HYLS1: variants seen among roughly 807,000 people sequenced by gnomAD.
HYLS1 encodes centriolar and ciliogenesis-associated protein HYLS1.
HYLS1 carries 25 observed loss-of-function variants against 29.4 expected under a neutral mutation model. That is an observed-to-expected ratio of 0.85 (90% CI 0.62 to 1.19). The LOEUF is 1.19. Among genes scored for constraint, HYLS1 ranks in the 50% most tolerant of loss-of-function variants. The pLI is 0.00. For missense variants in HYLS1, 352 were observed against 365.1 expected (o/e 0.96, Z 0.29); for synonymous variants, 128 against 126.7 (o/e 1.01, Z -0.07).
chr11:125,900,563 A>G lies in HYLS1; in HGVS notation c.*295A>G. ...TTGTGTCCTGTAACTTTTTTTACCT[A>G]TCAATATGAGTTGCTGTGCTTCAGT... is the stretch of plus-strand genomic sequence containing the variant. On this transcript the variant is annotated 3_prime_UTR_variant, in exon 3 of 3. Transcript: ENST00000425380. 2.5e-6 allele frequency: 1 copy of G among 401,016 alleles called. No individual in the cohort carries two copies. The highest frequency in any genetic ancestry group is 4.2e-5 in the Admixed American group (1 of 23,736). 24.8% of individuals were successfully genotyped at this position (401,016 alleles called of 1,614,324 possible).
At chr11:125,894,503 G>T (rs545910611) in intron 2 of HYLS1, among the ~76,000 whole-genome samples, 40 of 152,256 alleles carry the variant, frequency 2.6e-4, no homozygotes, top group African/African-American at 6.0e-4. Flanking sequence ...CCTGATCTAT[G>T]TAAGGTAAAT....
At chr11:125,893,856 C>T (rs781386285) in intron 2 of HYLS1, 2 of 1,614,002 alleles carry the variant, frequency 1.2e-6, no homozygotes, top group East Asian at 4.5e-5. Flanking sequence ...GTATTCTCTT[C>T]CTCTAGTGTG....
At chr11:125,887,563 G>A (rs1944326944), upstream of HYLS1, 5 of 152,430 alleles carry the variant, frequency 3.3e-5, no homozygotes, top group South Asian at 1.0e-3. Flanking sequence ...TTTACCCTCA[G>A]GACCAATAAG....
At chr11:125,896,415 C>G (rs951646802) in intron 2 of HYLS1, 1 of 928,258 alleles carries the variant, frequency 1.1e-6, no homozygotes. Flanking sequence ...TAATTTAATG[C>G]CCAAAGAATA....
chr11:125,898,195 T>C (rs1441408124), intron 2 of HYLS1, among the ~76,000 whole-genome samples: 1 of 152,158 alleles, frequency 6.6e-6, no homozygotes. Flanking sequence ...AATCCTTGCT[T>C]AAAATTATCA....
chr11:125,896,714 ATTTCT>A (rs1450412141), intron 2 of HYLS1, among the ~76,000 whole-genome samples: 3 of 152,114 alleles, frequency 2.0e-5, no homozygotes, highest in African/African-American at 7.2e-5. Context: ...TAGTCATAAG[ATTTCT>A]TTATATGGGC....
chr11:125,888,452 C>T (rs1463280359), intron 1 of HYLS1, among the ~76,000 whole-genome samples: 1 of 152,096 alleles, frequency 6.6e-6, no homozygotes, highest in East Asian at 1.9e-4. Flanking sequence ...ATCTGTTTTT[C>T]TAGAGGGCAG....
chr11:125,895,686 G>T lies in HYLS1; in HGVS notation c.-25-3658G>T, dbSNP rs769426762. On this transcript the variant is annotated intron_variant, in intron 2 of 2. Coordinates refer to ENST00000425380, the MANE Select transcript of HYLS1 (RefSeq NM_001134793.2). ...AGGGAGTACCCGATTGAGAATGTGG[G>T]TATAACGGATCTCTTCAGCAGCAGC... 7 of 1,614,034 alleles carry T rather than the reference G, an allele frequency of 4.3e-6. No individual in the cohort carries two copies. The Admixed American group carries it at 8.3e-5, about 19-fold the overall frequency.
At chr11:125,895,026 C>T (rs1313925998) in intron 2 of HYLS1, among the ~76,000 whole-genome samples, 1 of 150,998 alleles carries the variant, frequency 6.6e-6, no homozygotes, top group African/African-American at 2.4e-5. Context: ...TAGACAGTTA[C>T]GGTGGAGAGG....
upstream of HYLS1, chr11:125,887,571 A>G (rs1349260998): frequency 2.0e-5 from 3 of 152,268 alleles, no homozygotes; most frequent in Non-Finnish European, 4.4e-5. Flanking sequence ...CAGGACCAAT[A>G]AGAGGGAGGG....
chr11:125,888,209 G>T (rs1944344037), intron 1 of HYLS1: 1 of 152,294 alleles, frequency 6.6e-6, no homozygotes, highest in Non-Finnish European at 1.5e-5. Flanking sequence ...AGCGTGTCTT[G>T]TCGCCTTCTA....
intron 2 of HYLS1, chr11:125,894,134 A>G (rs754187330): frequency 2.5e-6 from 4 of 1,614,152 alleles, no homozygotes; most frequent in Non-Finnish European, 2.5e-6. Context: ...CAGTCCTTGT[A>G]GCATACTATA....
At chr11:125,893,599 A>C (rs1944473924) in intron 2 of HYLS1, 3 of 518,840 alleles carry the variant, frequency 5.8e-6, no homozygotes, top group Non-Finnish European at 9.9e-6. Context: ...GACCGGGATA[A>C]GAGAATATTT....
chr11:125,884,911 G>T (rs1372035661), upstream of HYLS1, among the ~76,000 whole-genome samples: 1 of 152,076 alleles, frequency 6.6e-6, no homozygotes, highest in African/African-American at 2.4e-5. Flanking sequence ...TCTATATACT[G>T]TATTTTAAGT....
chr11:125,888,418 T>C (rs952816351), intron 1 of HYLS1, among the ~76,000 whole-genome samples: 3 of 152,168 alleles, frequency 2.0e-5, no homozygotes, highest in Non-Finnish European at 4.4e-5. Context: ...AGCAAGCACC[T>C]TTATGGCCTG....
intron 2 of HYLS1, chr11:125,895,875 C>G (rs777427325): frequency 4.4e-6 from 7 of 1,601,286 alleles, no homozygotes; most frequent in Middle Eastern, 1.7e-4. Context: ...CCTAGTATTG[C>G]TTGCTTTGAG....
intron 2 of HYLS1, among the ~76,000 whole-genome samples, chr11:125,896,833 T>C (rs763102043): frequency 1.3e-5 from 2 of 152,150 alleles, no homozygotes; most frequent in Admixed American, 6.5e-5. Context: ...GGTGGTGCAA[T>C]AGAAGCTAGC....
intron 2 of HYLS1, chr11:125,895,131 C>A: frequency 1.0e-6 from 1 of 1,000,706 alleles, no homozygotes; most frequent in Non-Finnish European, 1.4e-6. Context: ...AGTGCAACCT[C>A]CGCCTCCTGG....
At chr11:125,896,086 G>C (rs1195452063) in intron 2 of HYLS1, 3 of 1,614,200 alleles carry the variant, frequency 1.9e-6, no homozygotes, top group African/African-American at 1.3e-5. Flanking sequence ...GCTATTCTTA[G>C]GGCTACGTGT....
Sources: gnomAD v4.1 joint callset for allele counts (sites outside exome capture counted in the v4.1 genomes callset) on GRCh38, gnomAD v4.1.1 for gene constraint, MANE v1.5 for transcripts, NCBI Gene and HGNC (gene_info 2026-07-23, HGNC 2026-07-21) for gene names.